NKAIN2: variants seen among roughly 807,000 people sequenced by gnomAD.
NKAIN2 encodes the protein sodium/potassium transporting ATPase interacting 2, also known as sodium/potassium-transporting ATPase subunit beta-1-interacting protein 2.
Under a neutral mutation model 32.6 loss-of-function variants are expected in NKAIN2, and 14 were observed. The observed-to-expected ratio is 0.43, with a 90% confidence interval of 0.28 to 0.67. The LOEUF (loss-of-function observed/expected upper bound fraction) is 0.67. NKAIN2 is among the 30% of genes least tolerant of loss of function. The probability of loss-of-function intolerance (pLI) is 0.17; values close to 1 mark genes in which losing one functional copy is unlikely to be tolerated. For missense variants in NKAIN2, 198 were observed against 258.3 expected (o/e 0.77, Z 1.60); for synonymous variants, 80 against 87.2 (o/e 0.92, Z 0.46).
At chr6:123,971,085 A>C (rs1056367614) in intron 1 of NKAIN2, among the ~76,000 whole-genome samples, 1 of 152,010 alleles carries the variant, frequency 6.6e-6, no homozygotes, top group Non-Finnish European at 1.5e-5. Context: ...TAAATCAATC[A>C]AAAGTTCTAG....
chr6:124,443,666 G>C (rs1210852083), intron 3 of NKAIN2, among the ~76,000 whole-genome samples: 3 of 152,048 alleles, frequency 2.0e-5, no homozygotes, highest in African/African-American at 7.2e-5. Flanking sequence ...TGATTTTACT[G>C]TCTTGACAGG....
At chr6:124,207,086 A>C (rs1271516392) in intron 1 of NKAIN2, among the ~76,000 whole-genome samples, 1 of 151,652 alleles carries the variant, frequency 6.6e-6, no homozygotes. Flanking sequence ...GTCAGTGCCC[A>C]GTAAGTGTTT....
At chr6:124,652,455 T>G (rs1784399757) in intron 3 of NKAIN2, among the ~76,000 whole-genome samples, 1 of 152,226 alleles carries the variant, frequency 6.6e-6, no homozygotes, top group South Asian at 2.1e-4. Context: ...TTTCAGCCTC[T>G]ACTCATTACC....
intron 1 of NKAIN2, among the ~76,000 whole-genome samples, chr6:124,270,441 C>G (rs1259056526): frequency 6.6e-6 from 1 of 151,994 alleles, no homozygotes; most frequent in African/African-American, 2.4e-5. Context: ...GTATTTTTAC[C>G]TAGTTGACAA....
chr6:123,984,515 A>G (rs1779044436), intron 1 of NKAIN2, among the ~76,000 whole-genome samples: 1 of 152,168 alleles, frequency 6.6e-6, no homozygotes, highest in African/African-American at 2.4e-5. Flanking sequence ...ATACTGTAAT[A>G]TCAAAAAGAA....
intron 1 of NKAIN2, among the ~76,000 whole-genome samples, chr6:124,235,394 ACAT>A (rs1376223267): frequency 6.6e-6 from 1 of 152,132 alleles, no homozygotes; most frequent in Admixed American, 6.6e-5. Context: ...ATTAAAGACA[ACAT>A]CACTTCATTT....
chr6:124,555,337 C>CTGAG (rs67993684), intron 3 of NKAIN2, among the ~76,000 whole-genome samples: 9 of 11,842 alleles, frequency 7.6e-4, no homozygotes, highest in Non-Finnish European at 1.4e-3. Flanking sequence ...TGACAGCCTC[C>CTGAG]TGACTGTGTC....
At chr6:124,346,276 G>C (rs1196193594) in intron 2 of NKAIN2, among the ~76,000 whole-genome samples, 1 of 152,124 alleles carries the variant, frequency 6.6e-6, no homozygotes, top group African/African-American at 2.4e-5. Flanking sequence ...TTTTGGAATA[G>C]GTGTGGTGTG....
intron 1 of NKAIN2, among the ~76,000 whole-genome samples, chr6:123,911,875 A>AC (rs1273987680): frequency 4.4e-5 from 6 of 137,306 alleles, no homozygotes; most frequent in South Asian, 2.4e-4. Flanking sequence ...ATTCCCCCCA[A>AC]CCCCCAAGGG....
intron 1 of NKAIN2, among the ~76,000 whole-genome samples, chr6:124,040,662 A>G (rs746131295): frequency 3.3e-4 from 50 of 152,034 alleles, no homozygotes; most frequent in Admixed American, 1.7e-3. Context: ...TGAACACCAG[A>G]TAACTATGAT....
intron 1 of NKAIN2, among the ~76,000 whole-genome samples, chr6:124,021,568 AAAAG>A (rs1780866321): frequency 6.6e-6 from 1 of 151,980 alleles, no homozygotes; most frequent in Non-Finnish European, 1.5e-5. Context: ...AAGTGACTCA[AAAAG>A]AAGGCAACTT....
chr6:124,803,212 T>C (rs552122898), intron 5 of NKAIN2, among the ~76,000 whole-genome samples: 61 of 152,308 alleles, frequency 4.0e-4, no homozygotes, highest in Admixed American at 1.1e-3. Context: ...ATCTATCAAA[T>C]AGAAACTTGA....
intron 1 of NKAIN2, among the ~76,000 whole-genome samples, chr6:123,889,675 C>T (rs1283316511): frequency 6.6e-6 from 1 of 152,032 alleles, no homozygotes; most frequent in East Asian, 1.9e-4. Flanking sequence ...ATAGTTTACA[C>T]AAAGGAGAAC....
intron 1 of NKAIN2, among the ~76,000 whole-genome samples, chr6:123,948,760 G>A (rs1221294370): frequency 6.6e-6 from 1 of 151,656 alleles, no homozygotes. Flanking sequence ...AAGCTTTTTA[G>A]TTTAATATAG....
At chr6:124,684,618 AT>A (rs1773775686) in intron 4 of NKAIN2, among the ~76,000 whole-genome samples, 1 of 152,314 alleles carries the variant, frequency 6.6e-6, no homozygotes, top group Non-Finnish European at 1.5e-5. Flanking sequence ...AAATTTAATC[AT>A]TGTAATGGGT....
chr6:124,460,771 G>T (rs536172807), intron 3 of NKAIN2, among the ~76,000 whole-genome samples: 18 of 151,560 alleles, frequency 1.2e-4, no homozygotes, highest in African/African-American at 1.4e-4. Context: ...CTTCAGCTCT[G>T]GAAAATTATT....
chr6:123,812,746 G>A (rs1773529131), intron 1 of NKAIN2, among the ~76,000 whole-genome samples: 1 of 152,188 alleles, frequency 6.6e-6, no homozygotes, highest in Non-Finnish European at 1.5e-5. Flanking sequence ...GGGGAGTGGT[G>A]AAGAATCCTC....
At chr6:124,540,051 A>G (rs1236282926) in intron 3 of NKAIN2, among the ~76,000 whole-genome samples, 2 of 152,232 alleles carry the variant, frequency 1.3e-5, no homozygotes, top group African/African-American at 4.8e-5. Context: ...AAGTTTTAAA[A>G]TATTTATGCA....
At chr6:124,042,321 C>T (rs1046072646) in intron 1 of NKAIN2, among the ~76,000 whole-genome samples, 2 of 152,154 alleles carry the variant, frequency 1.3e-5, no homozygotes, top group African/African-American at 4.8e-5. Flanking sequence ...AAAAGTATGG[C>T]CCTTGTCAGT....
Sources: allele counts gnomAD v4.1 joint callset (sites outside exome capture counted in the v4.1 genomes callset), GRCh38; gene constraint gnomAD v4.1.1; transcripts MANE v1.5; gene names NCBI Gene and HGNC (gene_info 2026-07-23, HGNC 2026-07-21).